Variants in NCKAP1 observed in about 807,000 individuals in gnomAD.
NCKAP1 encodes NCK associated protein 1.
A neutral mutation model predicts 151.2 loss-of-function variants in NCKAP1; 21 were observed. The ratio of observed to expected loss-of-function variants is 0.14; its 90% CI spans 0.10 to 0.20. NCKAP1 has a LOEUF of 0.20. Ranked by LOEUF, NCKAP1 falls within the 10% of genes least tolerant of loss-of-function variation. The pLI is 1.00. For missense variants in NCKAP1, 933 were observed against 1,352.1 expected (o/e 0.69, Z 4.86); for synonymous variants, 484 against 451.8 (o/e 1.07, Z -0.90).
At chr2:182,999,285 T>A (rs1261795726) in intron 6 of NCKAP1, among the ~76,000 whole-genome samples, 1 of 151,956 alleles carries the variant, frequency 6.6e-6, no homozygotes, top group Non-Finnish European at 1.5e-5. Context: ...ATACGGAACT[T>A]AAATCAACAA....
At chr2:182,957,342 C>T in intron 19 of NCKAP1, 115 bp downstream of exon 19, 3 of 1,120,582 alleles carry the variant, frequency 2.7e-6, no homozygotes, top group Non-Finnish European at 3.6e-6. Context: ...TTTAAAATGG[C>T]TGGAAAATGA....
intron 9 of NCKAP1, 103 bp from the exon 10 acceptor site, chr2:182,986,330 C>T (rs10185562): frequency 1 from 966,518 of 969,632 alleles, 481,771 homozygotes; most frequent in East Asian, 1. Flanking sequence ...ATTATCAATT[C>T]AGAAACTGGC....
Position 182,946,139 on chromosome 2 carries a change from C to G in NCKAP1, c.2602-3976G>C, listed in dbSNP as rs1002167987. 2.0e-5 allele frequency among the ~76,000 whole-genome samples: 3 copies of G among 152,276 alleles called. No individual in the cohort carries two copies. In the South Asian group the frequency reaches 6.2e-4, roughly 32 times the overall value. On this transcript the variant is annotated intron_variant, in intron 23 of 30. Coordinates refer to ENST00000361354, the MANE Select transcript of NCKAP1 (RefSeq NM_013436.5). ...CACATAGATAGTGCAGTGGCTCACG[C>G]CTGTAATCTCAGCATTTTGGGAGGC...
At chr2:182,926,011 A>G (rs1253327004) in intron 30 of NCKAP1, among the ~76,000 whole-genome samples, 193 bp from the exon 31 acceptor site, 2 of 152,100 alleles carry the variant, frequency 1.3e-5, no homozygotes, top group East Asian at 1.9e-4. Context: ...CAGTGAATGT[A>G]TATCAAACTG....
rs186327178 is a variant in NCKAP1, at chr2:182,927,203, C to G, written c.3181-298G>C. On this transcript the variant is annotated intron_variant, in intron 29 of 30. Transcript: ENST00000361354. ...ATGATTCAAATTATTTTCTCTTATC[C>G]CATCCCATTATCTATACTGACTATA... 25 of 261,354 alleles carry G rather than the reference C, an allele frequency of 9.6e-5. No individual in the cohort carries two copies. The East Asian group carries it at 3.1e-3, about 32-fold the overall frequency. The allele number at this position is 261,354 out of a possible 1,614,324, so 16.2% of individuals were successfully genotyped here.
At chr2:182,985,864 T>C (rs774967088) in intron 10 of NCKAP1, among the ~76,000 whole-genome samples, 7 of 152,164 alleles carry the variant, frequency 4.6e-5, no homozygotes, top group Non-Finnish European at 7.4e-5. Flanking sequence ...AATTTTCATG[T>C]AGTAGTACAA....
chr2:183,030,439 G>A (rs1219692631), intron 1 of NCKAP1, among the ~76,000 whole-genome samples: 1 of 152,134 alleles, frequency 6.6e-6, no homozygotes, highest in African/African-American at 2.4e-5. Context: ...TGCCAAAATA[G>A]GGAAGAACAA....
chr2:183,033,003 C>T (rs1254991253), intron 1 of NCKAP1, among the ~76,000 whole-genome samples: 2 of 152,148 alleles, frequency 1.3e-5, no homozygotes, highest in South Asian at 2.1e-4. Context: ...GAGCTGAGAT[C>T]GTGCCATTGT....
chr2:182,942,378 G>T (rs1470385845), intron 23 of NCKAP1, among the ~76,000 whole-genome samples: 1 of 152,058 alleles, frequency 6.6e-6, no homozygotes, highest in Non-Finnish European at 1.5e-5. Flanking sequence ...ATTCAAGAAG[G>T]AAGGAGTTCA....
intron 2 of NCKAP1, among the ~76,000 whole-genome samples, chr2:183,012,571 T>G (rs1482590787): frequency 6.7e-6 from 1 of 150,248 alleles, no homozygotes; most frequent in Non-Finnish European, 1.5e-5. Flanking sequence ...CAGAGGGACC[T>G]CCTATCCATT....
At chr2:182,987,228 C>T (rs1170861107) in intron 9 of NCKAP1, among the ~76,000 whole-genome samples, 4 of 151,714 alleles carry the variant, frequency 2.6e-5, no homozygotes, top group Middle Eastern at 3.4e-3. Context: ...GGTGACAGAG[C>T]GAAACTCTTG....
At chr2:183,006,076 T>A (rs937474900) in intron 2 of NCKAP1, among the ~76,000 whole-genome samples, 1 of 152,200 alleles carries the variant, frequency 6.6e-6, no homozygotes, top group Non-Finnish European at 1.5e-5. Context: ...CCAGTCCATA[T>A]CATACAGTTC....
chr2:182,950,283 C>A (rs1262728400), intron 23 of NCKAP1, among the ~76,000 whole-genome samples: 1 of 152,072 alleles, frequency 6.6e-6, no homozygotes, highest in African/African-American at 2.4e-5. Flanking sequence ...CTGTATCCAT[C>A]AAATTAAATA....
At chr2:182,947,880 A>C (rs934701637) in intron 23 of NCKAP1, among the ~76,000 whole-genome samples, 25 of 152,154 alleles carry the variant, frequency 1.6e-4, no homozygotes, top group African/African-American at 5.8e-4. Context: ...TATGTAATAA[A>C]ATATAAGAAT....
At chr2:183,024,251 A>T (rs1399850624) in intron 1 of NCKAP1, among the ~76,000 whole-genome samples, 1 of 152,200 alleles carries the variant, frequency 6.6e-6, no homozygotes, top group Non-Finnish European at 1.5e-5. Flanking sequence ...AAATATTACA[A>T]AATTAAATAT....
chr2:182,913,838 C>T lies in NCKAP1; in HGVS notation c.*11864G>A, dbSNP rs1398430475. The stretch of plus-strand genomic sequence containing the variant: ...CCTCATTCTTTTTTCCTGATCAGCA[C>T]TCTGATGCTCTCTGCCCCCACAGCC... On this transcript the variant is annotated 3_prime_UTR_variant, in exon 31 of 31. Transcript: ENST00000361354. 6.6e-6 allele frequency: 1 copy of T among 152,308 alleles called. No homozygotes were observed. The highest frequency in any genetic ancestry group is 2.4e-5 in the African/African-American group (1 of 41,436). 9.4% of individuals were successfully genotyped at this position (152,308 alleles called of 1,614,324 possible).
chr2:182,980,743 C>T (rs1179414624), intron 13 of NCKAP1, among the ~76,000 whole-genome samples: 14 of 152,094 alleles, frequency 9.2e-5, no homozygotes, highest in Admixed American at 9.2e-4. Context: ...CCCTCTAATA[C>T]TTAATTACCA....
At chr2:182,945,525 T>C (rs1697086357) in intron 23 of NCKAP1, among the ~76,000 whole-genome samples, 1 of 152,218 alleles carries the variant, frequency 6.6e-6, no homozygotes, top group South Asian at 2.1e-4. Flanking sequence ...CTATTAGAGA[T>C]ATCACAATGT....
intron 18 of NCKAP1, among the ~76,000 whole-genome samples, chr2:182,961,709 C>T (rs1253122247): frequency 1.3e-5 from 2 of 151,654 alleles, no homozygotes; most frequent in East Asian, 3.9e-4. Flanking sequence ...TGCACATGTA[C>T]CCTAAAACTT....
Sources: gnomAD v4.1 joint callset for allele counts (sites outside exome capture counted in the v4.1 genomes callset) on GRCh38, gnomAD v4.1.1 for gene constraint, MANE v1.5 for transcripts, NCBI Gene and HGNC (gene_info 2026-07-23, HGNC 2026-07-21) for gene names.